The following TERT variants were observed in gnomAD, a reference collection of about 807,000 sequenced individuals.
TERT encodes telomerase reverse transcriptase.
Under a neutral mutation model 104.0 loss-of-function variants are expected in TERT, and 42 were observed. The ratio of observed to expected loss-of-function variants is 0.40; its 90% CI spans 0.32 to 0.52. The LOEUF (loss-of-function observed/expected upper bound fraction) is 0.52, where lower values mean the gene tolerates loss of function less well. TERT is among the 20% of genes least tolerant of loss of function. The probability of loss-of-function intolerance (pLI) is 0.43; values close to 1 mark genes in which losing one functional copy is unlikely to be tolerated. For missense variants in TERT, 1,101 were observed against 1,610.3 expected, an observed-to-expected ratio of 0.68 and a Z score of 5.41; for synonymous variants, 781 against 725.6, an observed-to-expected ratio of 1.08 and a Z score of -1.23.
chr5:1,281,775 T>C (rs6554743), intron 3 of TERT, among the ~76,000 whole-genome samples: 20,019 of 152,108 alleles, frequency 0.13, 3,814 homozygotes, highest in African/African-American at 0.42. Context: ...TGAAGATTCA[T>C]ACAGAACAGC....
At chr5:1,266,972 G>C (rs372926931) in intron 9 of TERT, among the ~76,000 whole-genome samples, 7 of 152,298 alleles carry the variant, frequency 4.6e-5, no homozygotes, top group Admixed American at 1.3e-4. Context: ...GCTGGGCATG[G>C]TGCACTGTGT....
rs376051442 is a variant in TERT, at chr5:1,269,034, G to A, written c.2469-401C>T. Among the ~76,000 whole-genome samples the A allele has an allele frequency of 2.6e-5, 4 of 151,350 alleles. No individual in the cohort carries two copies. Among genetic ancestry groups the A allele is most frequent in the East Asian group, 1.9e-4 (1 of 5,170 alleles). The stretch of plus-strand genomic sequence containing the variant: ...AAGACTCATGACCCTACATGTAGCC[G>A]CTGCGCGCCAACGGATACAACCTTG... On this transcript the variant is annotated intron_variant, in intron 8 of 15. Coordinates refer to ENST00000310581, the MANE Select transcript of TERT (RefSeq NM_198253.3). The surrounding 1 kb of genome is among the most constrained non-coding windows in gnomAD (Gnocchi z 9.0).
At chr5:1,279,643 G>C (rs905212951) in intron 4 of TERT, among the ~76,000 whole-genome samples, 173 bp from the exon 5 acceptor site, 1 of 152,170 alleles carries the variant, frequency 6.6e-6, no homozygotes, top group Non-Finnish European at 1.5e-5. Context: ...GTTCCTGGCC[G>C]CATGTGTGTT....
At chr5:1,267,839 T>TG (rs1461664320) in intron 9 of TERT, among the ~76,000 whole-genome samples, 1 of 151,878 alleles carries the variant, frequency 6.6e-6, no homozygotes, top group Non-Finnish European at 1.5e-5. Flanking sequence ...TGTCATGGGA[T>TG]GGGGGGAGTG....
chr5:1,258,676 A>G lies in TERT; in HGVS notation c.2971-17T>C. ...GCTGTTCACCTAGAGTCGCCAAGAA[A>G]GAGTGAGAAACGGTAGAAACCTCTC... On this transcript the variant is annotated splice_polypyrimidine_tract_variant and intron_variant, in intron 12 of 15. Transcript: ENST00000310581. 1 of 1,559,454 alleles carries G rather than the reference A, an allele frequency of 6.4e-7. No homozygotes were observed. The highest frequency in any genetic ancestry group is 1.2e-5 in the South Asian group (1 of 84,664).
rs1327475672 is a variant in TERT, at chr5:1,255,708, G to C, written c.3033-297C>G. Among the ~76,000 whole-genome samples, 2 of 152,296 alleles carry C rather than the reference G, an allele frequency of 1.3e-5. No homozygotes were observed. Among genetic ancestry groups the C allele is most frequent in the Admixed American group, 6.5e-5 (1 of 15,310 alleles). ...TCCTGGATGCCAGCCCCCCATGCTG[G>C]CTTCTGATTAGCCCCTGTTCCGGGA... On this transcript the variant is annotated intron_variant, in intron 13 of 15. Coordinates refer to ENST00000310581, the MANE Select transcript of TERT (RefSeq NM_198253.3). The surrounding 1 kb of genome is among the most constrained non-coding windows in gnomAD (Gnocchi z 6.9).
At position 1,279,467 on chromosome 5, in the gene TERT, C is replaced by A; in HGVS notation, c.1954G>T (p.Glu652Ter). Residue 652 changes from glutamate (E) to a stop codon, truncating the protein, a stop_gained, in exon 5 of 16, where the codon GAG (glutamate) becomes TAG (stop). Transcript: ENST00000310581. LOFTEE classifies it high-confidence loss of function. Reference sequence around the variant, plus strand: ...GCCTTCACCCTCGAGGTGAGACGCTCGGCCTGGCGGGGACAGCATGGGAGA... The same window carrying A: ...GCCTTCACCCTCGAGGTGAGACGCTAGGCCTGGCGGGGACAGCATGGGAGA... ...ARTFRREKRA[E>*]RLTSRVKALF... 3 of 1,549,054 alleles carry A rather than the reference C, an allele frequency of 1.9e-6. No homozygotes were observed. The highest frequency in any genetic ancestry group is 1.4e-5 in the African/African-American group (1 of 73,140).
intron 2 of TERT, among the ~76,000 whole-genome samples, chr5:1,285,857 C>A (rs563475216): frequency 1.3e-5 from 2 of 151,970 alleles, no homozygotes; most frequent in Non-Finnish European, 2.9e-5. Flanking sequence ...CGTGAGCCAC[C>A]GCGCCCAGCC....
chr5:1,284,420 T>C (rs11951801), intron 2 of TERT, among the ~76,000 whole-genome samples: 1,740 of 43,754 alleles, frequency 0.04, no homozygotes, highest in South Asian at 0.064. Flanking sequence ...GGACACCGCA[T>C]ATCCAGCTCA....
intron 4 of TERT, among the ~76,000 whole-genome samples, chr5:1,279,743 G>A (rs1749887019): frequency 6.6e-6 from 1 of 152,214 alleles, no homozygotes; most frequent in Non-Finnish European, 1.5e-5. Context: ...CAGCCACAGG[G>A]GTGGGGTGCA....
rs1328779965 is a variant in TERT at position 1,292,346 on chromosome 5, G to A, written c.1573+967C>T. Among the ~76,000 whole-genome samples the A allele has an allele frequency of 6.6e-6, 1 of 152,046 alleles. No homozygotes were observed. Among genetic ancestry groups the A allele is most frequent in the East Asian group, 1.9e-4 (1 of 5,180 alleles). On this transcript the variant is annotated intron_variant, in intron 2 of 15. Transcript: ENST00000310581. This position sits in a 1 kb window ranked among gnomAD's most constrained non-coding sequence, Gnocchi z 5.5. ...GGTGGGGACACGGCAGGGCCCAGCA[G>A]CACCATCCCCTGAACACCCACAAAC...
rs1359321875 is a variant in TERT, at chr5:1,262,443, C to T, written c.2844-1843G>A. Among the ~76,000 whole-genome samples the T allele has an allele frequency of 6.6e-6, 1 of 152,232 alleles. No individual in the cohort carries two copies. The highest frequency in any genetic ancestry group is 2.4e-5 in the African/African-American group (1 of 41,458). Reference sequence around the variant, plus strand: ...AGAAAATTCCCATCTTACCACTTTTCCTTTTTCACTTTTCTTAATCATTTT... The same window carrying T: ...AGAAAATTCCCATCTTACCACTTTTTCTTTTTCACTTTTCTTAATCATTTT... On this transcript the variant is annotated intron_variant, in intron 11 of 15. Coordinates refer to ENST00000310581, the MANE Select transcript of TERT (RefSeq NM_198253.3). This position sits in a 1 kb window ranked among gnomAD's most constrained non-coding sequence, Gnocchi z 5.6.
Position 1,293,759 on chromosome 5 carries a change from G to A in TERT, c.1127C>T (p.Pro376Leu). Residue 376 changes from proline (P) to leucine (L), a missense_variant, in exon 2 of 16, where the codon CCC becomes CTC. Physicochemically the swap from Pro to Leu is moderately conservative, Grantham distance 98. Around this residue, in one of 5 missense-constraint regions of TERT, gnomAD observed 504 missense variants for 544.6 expected, o/e 0.93. Coordinates refer to ENST00000310581, the MANE Select transcript of TERT (RefSeq NM_198253.3). ...LGSRPWMPGT[P>L]RRLPRLPQRY... ...CTGGGGCAGGCGGGGCAACCTGCGG[G>A]GAGTCCCTGGCATCCAGGGCCTGGA... 6.4e-7 allele frequency: 1 copy of A among 1,557,704 alleles called. No homozygotes were observed. The highest frequency in any genetic ancestry group is 8.7e-7 in the Non-Finnish European group (1 of 1,150,888).
chr5:1,281,370 C>T (rs373296712), intron 3 of TERT, among the ~76,000 whole-genome samples: 1 of 152,208 alleles, frequency 6.6e-6, no homozygotes, highest in Non-Finnish European at 1.5e-5. Context: ...TGCAGACATC[C>T]TGATTTGGGG....
chr5:1,258,773 A>G, intron 12 of TERT, 114 bp from the exon 13 acceptor site: 1 of 937,946 alleles, frequency 1.1e-6, no homozygotes, highest in African/African-American at 1.6e-5. Context: ...CATTTTGACA[A>G]GAAACTATCC....
At position 1,280,182 on chromosome 5, in the gene TERT, G is replaced by C. The variant is rs768266882; in HGVS notation, c.1926C>G (p.Ala642=). ...PIVNMDYVVG[A]RTFRREKRAE... Reference sequence around the variant, plus strand: ...CCCTCTTTTCTCTGCGGAACGTTCTGGCTCCCACGACGTAGTCCATGTTCA... The same window carrying C: ...CCCTCTTTTCTCTGCGGAACGTTCTCGCTCCCACGACGTAGTCCATGTTCA... Residue 642 remains alanine (A), a synonymous_variant, in exon 4 of 16, where the codon GCC becomes GCG. Transcript: ENST00000310581. 2 of 1,614,104 alleles carry C rather than the reference G, an allele frequency of 1.2e-6. No homozygotes were observed. The highest frequency in any genetic ancestry group is 3.3e-5 in the Admixed American group (2 of 60,034).
chr5:1,282,187 T>C (rs1750066131), intron 3 of TERT, among the ~76,000 whole-genome samples: 2 of 152,218 alleles, frequency 1.3e-5, no homozygotes, highest in African/African-American at 4.8e-5. Context: ...TCCCTTCTGC[T>C]TTACAAACCC....
intron 9 of TERT, among the ~76,000 whole-genome samples, chr5:1,267,823 A>G (rs1194600689): frequency 6.6e-6 from 1 of 152,166 alleles, no homozygotes. Flanking sequence ...ATCACACACC[A>G]GGGCCTGTCA....
chr5:1,268,372 G>A lies in TERT; in HGVS notation c.2582+148C>T, dbSNP rs543790721. On this transcript the variant is annotated intron_variant, in intron 9 of 15. Coordinates refer to ENST00000310581, the MANE Select transcript of TERT (RefSeq NM_198253.3). This position sits in a 1 kb window ranked among gnomAD's most constrained non-coding sequence, Gnocchi z 5.5. ...TCAGGCTGTGCAACCCCTCCCGTGCGGCTTCATACCAAGAAGGGGCTGCAA... is the reference window on the plus strand; with the variant it reads ...TCAGGCTGTGCAACCCCTCCCGTGCAGCTTCATACCAAGAAGGGGCTGCAA... The A allele has an allele frequency of 1.8e-5, 12 of 672,968 alleles. 1 individual carries two copies. The highest frequency in any genetic ancestry group is 5.3e-5 in the African/African-American group (3 of 56,094). The allele number at this position is 672,968 out of a possible 1,614,324, so 41.7% of individuals were successfully genotyped here.
Sources: gnomAD v4.1 joint callset for allele counts (sites outside exome capture counted in the v4.1 genomes callset) on GRCh38, gnomAD v4.1.1 for gene constraint, gnomAD v4.1.1 regional missense constraint, Gnocchi (gnomAD v3.1) non-coding constraint, MANE v1.5 for transcripts, NCBI Gene and HGNC (gene_info 2026-07-23, HGNC 2026-07-21) for gene names.